Variants in NUP93 observed in about 807,000 individuals in gnomAD.
The protein encoded by NUP93 is nuclear pore complex protein Nup93.
Under a neutral mutation model 107.8 loss-of-function variants are expected in NUP93, and 55 were observed. The ratio of observed to expected loss-of-function variants is 0.51; its 90% CI spans 0.41 to 0.64. The LOEUF (loss-of-function observed/expected upper bound fraction) is 0.64, where lower values mean the gene tolerates loss of function less well. Ranked by LOEUF, NUP93 falls within the 30% of genes least tolerant of loss-of-function variation. The pLI is 0.00. For missense variants in NUP93, 937 were observed against 1,044.7 expected, an observed-to-expected ratio of 0.90 and a Z score of 1.42; for synonymous variants, 390 against 397.5, an observed-to-expected ratio of 0.98 and a Z score of 0.22.
Position 56,769,717 on chromosome 16 carries a change from C to T in NUP93, c.297+11062C>T, listed in dbSNP as rs373649208. ...TGATCATCTTTGTTTTGTTTTGCTT[C>T]TGAAGCTGAACTTGAGTTAGAAGCA... On this transcript the variant is annotated intron_variant, in intron 3 of 21. Transcript: ENST00000308159. 2.0e-3 allele frequency among the ~76,000 whole-genome samples: 297 copies of T among 152,236 alleles called. 11 individuals carry two copies. In the South Asian group the frequency reaches 0.06, roughly 31 times the overall value.
intron 1 of NUP93, among the ~76,000 whole-genome samples, chr16:56,734,614 C>T (rs1377846625): frequency 7.1e-6 from 1 of 140,942 alleles, no homozygotes; most frequent in Admixed American, 7.1e-5. Flanking sequence ...CAGGAAGCTA[C>T]TATATCACCC....
At chr16:56,759,112 A>G (rs532853660) in intron 3 of NUP93, among the ~76,000 whole-genome samples, 8 of 152,354 alleles carry the variant, frequency 5.3e-5, no homozygotes, top group African/African-American at 1.9e-4. Flanking sequence ...ATTTCCAAGA[A>G]GTGTTTGGCT....
rs767196017 is a variant in NUP93, at chr16:56,748,252, A to T, written c.5A>T (p.Asp2Val). 1 of 1,609,758 alleles carries T rather than the reference A, an allele frequency of 6.2e-7. No individual in the cohort carries two copies. M[D>V]TEGFGELLQQ... is the part of the protein sequence containing the mutation. Reference sequence around the variant, plus strand: ...CATCTAGGATCTGCATCTCCAATGGATACTGAGGGGTTTGGTGAGCTCCTT... The same window carrying T: ...CATCTAGGATCTGCATCTCCAATGGTTACTGAGGGGTTTGGTGAGCTCCTT... Residue 2 changes from aspartate (D) to valine (V), a missense_variant, in exon 2 of 22, where the codon GAT becomes GTT. Asp to Val is a radical substitution (Grantham distance 152, BLOSUM62 -3). Transcript: ENST00000308159.
chr16:56,731,631 C>G (rs1301697532), intron 1 of NUP93, among the ~76,000 whole-genome samples: 1 of 152,104 alleles, frequency 6.6e-6, no homozygotes, highest in Non-Finnish European at 1.5e-5. Flanking sequence ...TGGTCTTGAA[C>G]TCCTGGCCTC....
rs1362168181 is a variant in NUP93 at position 56,847,216 on chromosome 16, C to T, written c.*2607C>T. 2 of 152,242 alleles carry T rather than the reference C, an allele frequency of 1.3e-5. No individual in the cohort carries two copies. The highest frequency in any genetic ancestry group is 4.8e-5 in the African/African-American group (2 of 41,464). The allele number at this position is 152,242 out of a possible 1,614,324, so 9.4% of individuals were successfully genotyped here. On this transcript the variant is annotated 3_prime_UTR_variant, in exon 22 of 22. Transcript: ENST00000308159. ...TGATTGTGCGATTGAGCACAGGCCT[C>T]TGGAATTGTGCAGAGATGAGAAACA...
At chr16:56,762,274 G>A (rs185797953) in intron 3 of NUP93, among the ~76,000 whole-genome samples, 62 of 152,250 alleles carry the variant, frequency 4.1e-4, no homozygotes, top group Non-Finnish European at 6.9e-4. Flanking sequence ...GCAAATTTAC[G>A]TAGTCCAGTT....
chr16:56,768,148 C>A (rs559741116), intron 3 of NUP93, among the ~76,000 whole-genome samples: 2 of 152,178 alleles, frequency 1.3e-5, no homozygotes, highest in Admixed American at 1.3e-4. Context: ...ATTTGTGGAC[C>A]GGTGCTCCTT....
intron 1 of NUP93, among the ~76,000 whole-genome samples, chr16:56,741,097 A>G (rs1445705095): frequency 1.3e-5 from 2 of 152,134 alleles, no homozygotes; most frequent in Non-Finnish European, 2.9e-5. Flanking sequence ...TAAAAAGCAT[A>G]TTTGGTAGTG....
intron 1 of NUP93, 94 bp from the exon 2 acceptor site, chr16:56,748,139 GT>G: frequency 1.2e-6 from 1 of 813,278 alleles, no homozygotes; most frequent in Non-Finnish European, 1.9e-6. Flanking sequence ...TTTACAAAAA[GT>G]TCTGCTGTTT....
At chr16:56,834,486 G>A (rs1330559832) in intron 15 of NUP93, 44 bp downstream of exon 15, 2 of 1,587,502 alleles carry the variant, frequency 1.3e-6, no homozygotes, top group Admixed American at 3.3e-5. Context: ...TTTTCAGTGT[G>A]CATGTCCCAT....
At chr16:56,773,188 A>AG (rs1160034778) in intron 3 of NUP93, among the ~76,000 whole-genome samples, 1 of 152,248 alleles carries the variant, frequency 6.6e-6, no homozygotes, top group African/African-American at 2.4e-5. Flanking sequence ...AAATCTAAGT[A>AG]GGGGGAGAAC....
intron 11 of NUP93, 93 bp from the exon 12 acceptor site, chr16:56,832,202 A>G (rs967778510): frequency 7.9e-7 from 1 of 1,267,054 alleles, no homozygotes; most frequent in Non-Finnish European, 1.2e-6. Context: ...TCTAGCTGAC[A>G]TCATTGAGCA....
At chr16:56,755,556 G>T (rs1203576213) in intron 2 of NUP93, among the ~76,000 whole-genome samples, 3 of 151,930 alleles carry the variant, frequency 2.0e-5, no homozygotes, top group Admixed American at 2.0e-4. Flanking sequence ...AGTGATGATT[G>T]TACAATTTTA....
In NUP93 at chr16:56,742,934, T is replaced by C. The variant is rs77941358; in HGVS notation, c.-14-5300T>C. Among the ~76,000 whole-genome samples, 1,171 of 152,278 alleles carry C rather than the reference T, an allele frequency of 7.7e-3. 22 individuals carry two copies. The highest frequency in any genetic ancestry group is 0.027 in the African/African-American group (1,102 of 41,554). ...TTAAAAATAAAAGAAACCAATGAAC[T>C]AATAATATCAGAAAACAGATATGTG... is the stretch of plus-strand genomic sequence containing the variant. On this transcript the variant is annotated intron_variant, in intron 1 of 21. Coordinates refer to ENST00000308159, the MANE Select transcript of NUP93 (RefSeq NM_014669.5).
At chr16:56,784,685 G>C (rs1962587740) in intron 3 of NUP93, among the ~76,000 whole-genome samples, 1 of 152,150 alleles carries the variant, frequency 6.6e-6, no homozygotes, top group Admixed American at 6.5e-5. Context: ...GTATTTTATA[G>C]TAAACTTTAC....
At chr16:56,824,506 A>C (rs1212584837) in intron 8 of NUP93, among the ~76,000 whole-genome samples, 1 of 152,162 alleles carries the variant, frequency 6.6e-6, no homozygotes, top group Non-Finnish European at 1.5e-5. Flanking sequence ...AGGGGTTGTC[A>C]TGAGTGTGCA....
chr16:56,779,359 A>T (rs1400501423), intron 3 of NUP93, among the ~76,000 whole-genome samples: 1 of 152,196 alleles, frequency 6.6e-6, no homozygotes, highest in Non-Finnish European at 1.5e-5. Flanking sequence ...TTAATCCCTT[A>T]TATTAATGAA....
intron 3 of NUP93, among the ~76,000 whole-genome samples, chr16:56,772,454 C>A (rs1237586599): frequency 6.6e-6 from 1 of 152,196 alleles, no homozygotes; most frequent in African/African-American, 2.4e-5. Flanking sequence ...CCATATTATT[C>A]TTTTCTGCAA....
At chr16:56,811,415 G>A (rs1345167670) in intron 5 of NUP93, among the ~76,000 whole-genome samples, 1 of 152,130 alleles carries the variant, frequency 6.6e-6, no homozygotes, top group Non-Finnish European at 1.5e-5. Context: ...CCTCTTTATA[G>A]GAGACTACAC....
Sources: allele counts gnomAD v4.1 joint callset (sites outside exome capture counted in the v4.1 genomes callset), GRCh38; gene constraint gnomAD v4.1.1; transcripts MANE v1.5; gene names NCBI Gene and HGNC (gene_info 2026-07-23, HGNC 2026-07-21).